Variants in GSG1L observed in about 807,000 individuals in gnomAD.
GSG1L encodes GSG1 like, also known as germ cell-specific gene 1-like protein.
Under a neutral mutation model 42.1 loss-of-function variants are expected in GSG1L, and 24 were observed. The observed-to-expected ratio is 0.57, with a 90% CI of 0.41 to 0.80. The LOEUF is 0.80. GSG1L is among the 30% of genes least tolerant of loss of function. The probability of loss-of-function intolerance (pLI) is 0.00; values close to 1 mark genes in which losing one functional copy is unlikely to be tolerated. For synonymous variants in GSG1L, 215 were observed against 203.5 expected, an observed-to-expected ratio of 1.06 and a Z score of -0.48; for missense variants, 445 against 472.2, an observed-to-expected ratio of 0.94 and a Z score of 0.53.
chr16:27,872,440 G>C (rs539051264), intron 3 of GSG1L, among the ~76,000 whole-genome samples: 63 of 152,216 alleles, frequency 4.1e-4, no homozygotes, highest in African/African-American at 1.3e-3. Context: ...CTATAAAATG[G>C]GGACAATAAG....
intron 2 of GSG1L, among the ~76,000 whole-genome samples, chr16:27,936,571 C>T (rs1549270): frequency 0.74 from 112,519 of 152,094 alleles, 41,973 homozygotes; most frequent in African/African-American, 0.79. Flanking sequence ...GCAGGCTTCT[C>T]GTACAGCCTG....
chr16:27,947,195 C>T (rs2084882647), intron 2 of GSG1L, among the ~76,000 whole-genome samples: 1 of 152,078 alleles, frequency 6.6e-6, no homozygotes, highest in Non-Finnish European at 1.5e-5. Context: ...GGTGCAATCA[C>T]AGCTCACTGC....
chr16:28,008,988 T>C (rs528850880), intron 1 of GSG1L, among the ~76,000 whole-genome samples: 2 of 152,254 alleles, frequency 1.3e-5, no homozygotes, highest in East Asian at 3.9e-4. Flanking sequence ...TTTGTATTTT[T>C]AGTAGAGACA....
At chr16:27,956,651 T>C (rs1221743017) in intron 2 of GSG1L, among the ~76,000 whole-genome samples, 1 of 152,192 alleles carries the variant, frequency 6.6e-6, no homozygotes, top group Non-Finnish European at 1.5e-5. Context: ...ATCTTGCATT[T>C]CTGTCATTAC....
At chr16:27,848,976 A>G (rs1023959794) in intron 3 of GSG1L, among the ~76,000 whole-genome samples, 1 of 152,076 alleles carries the variant, frequency 6.6e-6, no homozygotes, top group South Asian at 2.1e-4. Context: ...CAGGTGGATC[A>G]CCTGAGGTCA....
chr16:28,060,160 T>C (rs2086324456), intron 1 of GSG1L, among the ~76,000 whole-genome samples: 1 of 150,964 alleles, frequency 6.6e-6, no homozygotes, highest in Non-Finnish European at 1.5e-5. Flanking sequence ...TTAGCCTTGA[T>C]GTATAGGGGT....
At chr16:28,057,855 G>A (rs1030082026) in intron 1 of GSG1L, among the ~76,000 whole-genome samples, 1 of 152,238 alleles carries the variant, frequency 6.6e-6, no homozygotes, top group Non-Finnish European at 1.5e-5. Context: ...GCAGTAGTAT[G>A]AGGACTAGAA....
intron 1 of GSG1L, among the ~76,000 whole-genome samples, chr16:28,039,613 ACAC>A (rs1402198547): frequency 6.6e-6 from 1 of 151,544 alleles, no homozygotes; most frequent in Non-Finnish European, 1.5e-5. Flanking sequence ...GCACACACAC[ACAC>A]AAGCAGACAT....
At chr16:28,018,914 C>T (rs1297106794) in intron 1 of GSG1L, among the ~76,000 whole-genome samples, 2 of 152,128 alleles carry the variant, frequency 1.3e-5, no homozygotes, top group East Asian at 1.9e-4. Context: ...CTTCATGATG[C>T]CAATCAGTGG....
At chr16:27,962,158 C>T (rs2085079624) in intron 2 of GSG1L, among the ~76,000 whole-genome samples, 1 of 152,208 alleles carries the variant, frequency 6.6e-6, no homozygotes, top group Non-Finnish European at 1.5e-5. Flanking sequence ...CTGTGGCAGG[C>T]TCTCCTCCTG....
chr16:27,942,346 C>A (rs1015677812), intron 2 of GSG1L, among the ~76,000 whole-genome samples: 1 of 152,220 alleles, frequency 6.6e-6, no homozygotes, highest in African/African-American at 2.4e-5. Context: ...GATGGAGTTT[C>A]ACCATGTTGG....
chr16:27,902,465 G>A (rs924211168), intron 2 of GSG1L, among the ~76,000 whole-genome samples: 2 of 152,168 alleles, frequency 1.3e-5, no homozygotes, highest in Admixed American at 1.3e-4. Flanking sequence ...CTGGCTTCAG[G>A]AGGTGGGGAA....
intron 3 of GSG1L, 139 bp from the exon 4 acceptor site, chr16:27,845,200 C>T: frequency 1.8e-6 from 1 of 567,754 alleles, no homozygotes; most frequent in Non-Finnish European, 3.2e-6. Context: ...TAAGGGAGGT[C>T]AGCAGGAACA....
chr16:27,889,062 C>T (rs2084092401), intron 2 of GSG1L, among the ~76,000 whole-genome samples: 1 of 152,128 alleles, frequency 6.6e-6, no homozygotes, highest in South Asian at 2.1e-4. Flanking sequence ...TAGTTCACTG[C>T]AGCCACTAAC....
At chr16:27,869,552 ATCTC>A (rs1324851105) in intron 3 of GSG1L, among the ~76,000 whole-genome samples, 1 of 93,502 alleles carries the variant, frequency 1.1e-5, no homozygotes, top group Non-Finnish European at 2.0e-5. Flanking sequence ...GTCTCCCTTC[ATCTC>A]TCTCTCCTCT....
chr16:27,810,582 A>T (rs2083020088), intron 5 of GSG1L, among the ~76,000 whole-genome samples: 1 of 152,172 alleles, frequency 6.6e-6, no homozygotes, highest in Non-Finnish European at 1.5e-5. Flanking sequence ...GCTTATAAGG[A>T]TCTCCTGTGG....
chr16:27,816,737 T>A (rs180769531), intron 5 of GSG1L, among the ~76,000 whole-genome samples: 5 of 152,150 alleles, frequency 3.3e-5, no homozygotes, highest in Admixed American at 2.0e-4. Context: ...TCCTGGTAGC[T>A]CCAACCCTGC....
intron 3 of GSG1L, among the ~76,000 whole-genome samples, chr16:27,856,468 C>T (rs576885401): frequency 2.6e-5 from 4 of 152,286 alleles, no homozygotes; most frequent in African/African-American, 9.6e-5. Flanking sequence ...GTGCTCACCA[C>T]CATGCCCAGG....
chr16:27,802,565 G>A (rs904775288), intron 6 of GSG1L, among the ~76,000 whole-genome samples: 5 of 152,004 alleles, frequency 3.3e-5, no homozygotes, highest in Non-Finnish European at 1.5e-5. Context: ...AAAGTCTCTG[G>A]GGGCGACTGA....
Sources: allele counts gnomAD v4.1 joint callset (sites outside exome capture counted in the v4.1 genomes callset), GRCh38; gene constraint gnomAD v4.1.1; transcripts MANE v1.5; gene names NCBI Gene and HGNC (gene_info 2026-07-23, HGNC 2026-07-21).